The following FRMPD3 variants were observed in gnomAD, a reference collection of about 807,000 sequenced individuals.
FRMPD3 encodes the protein FERM and PDZ domain-containing protein 3.
FRMPD3 carries 42 observed loss-of-function variants against 97.9 expected under a neutral mutation model. The ratio of observed to expected loss-of-function variants is 0.43; its 90% CI spans 0.34 to 0.55. The LOEUF (loss-of-function observed/expected upper bound fraction) is 0.55. Among genes scored for constraint, FRMPD3 ranks in the 20% least tolerant of loss-of-function variants. The pLI is 0.03. For synonymous variants in FRMPD3, 577 were observed against 581.1 expected, an observed-to-expected ratio of 0.99 and a Z score of 0.10; for missense variants, 1,303 against 1,457.7, an observed-to-expected ratio of 0.89 and a Z score of 1.73.
chrX:107,510,928 A>G (rs1922148461), intron 1 of FRMPD3, among the ~76,000 whole-genome samples: 1 of 112,564 alleles, frequency 8.9e-6, no homozygotes, highest in African/African-American at 3.2e-5. Context: ...CCTCACAGGA[A>G]GTCAGCTTGG....
At chrX:107,462,011 C>T (rs769533093) in intron 1 of FRMPD3, among the ~76,000 whole-genome samples, 2 of 109,488 alleles carry the variant, frequency 1.8e-5, no homozygotes, top group Non-Finnish European at 3.8e-5. Context: ...ATCCTTCCAT[C>T]GTATCCTCTA....
rs183882811 is a variant in FRMPD3, at chrX:107,545,719, T to C, written c.298-18T>C. The C allele has an allele frequency of 1.6e-5, 19 of 1,177,242 alleles. 1 individual carries two copies. In the East Asian group the frequency reaches 5.7e-4, roughly 35 times the overall value. The stretch of plus-strand genomic sequence containing the variant: ...CCCTAGATATGGAGAACTCACCATC[T>C]CTCTGTTCTTTTTCCAGTCCCCCAA... On this transcript the variant is annotated intron_variant, in intron 4 of 14. Coordinates refer to ENST00000683843, the MANE Select transcript of FRMPD3 (RefSeq NM_001388459.1).
Position 107,576,535 on chromosome X carries a change from T to G in FRMPD3, c.1441+76T>G, listed in dbSNP as rs918584534. 1.2e-5 allele frequency: 13 copies of G among 1,072,598 alleles called. No homozygotes were observed. In the Middle Eastern group the frequency reaches 1.4e-3, roughly 116 times the overall value. The allele number at this position is 1,072,598 out of a possible 1,213,427, so 88.4% of individuals were successfully genotyped here. On this transcript the variant is annotated intron_variant, in intron 13 of 14. Transcript: ENST00000683843. ...CTGAAGACATGGAGGGAAGAGCTTC[T>G]CTGCCTTAGTGCTCACCCCGTGCCA...
intron 12 of FRMPD3, among the ~76,000 whole-genome samples, chrX:107,572,908 C>CTAA (rs374047113): frequency 0.019 from 1,901 of 100,968 alleles, 14 homozygotes; most frequent in Non-Finnish European, 0.027. Flanking sequence ...ACTACTACTA[C>CTAA]TAATAATAAT....
intron 1 of FRMPD3, among the ~76,000 whole-genome samples, chrX:107,491,086 C>T (rs955453386): frequency 9.0e-6 from 1 of 111,498 alleles, no homozygotes; most frequent in African/African-American, 3.3e-5. Context: ...GATTGAAACC[C>T]ACGACTATCT....
At chrX:107,489,283 C>A (rs1394193055) in intron 1 of FRMPD3, among the ~76,000 whole-genome samples, 4 of 109,996 alleles carry the variant, frequency 3.6e-5, no homozygotes, top group Non-Finnish European at 7.6e-5. Context: ...GTGAATAGTG[C>A]CGCAATAAAC....
rs930156518 is a variant in FRMPD3, at chrX:107,474,118, G to A, written c.-8+24113G>A. ...ACAAAACCAAAATGCTAAGCTCCAA[G>A]TACACAGTCTTCCTCCCAGAGATGC... is the stretch of plus-strand genomic sequence containing the variant. On this transcript the variant is annotated intron_variant, in intron 1 of 14. Coordinates refer to ENST00000683843, the MANE Select transcript of FRMPD3 (RefSeq NM_001388459.1). Among the ~76,000 whole-genome samples, 23 of 112,118 alleles carry A rather than the reference G, an allele frequency of 2.1e-4. 1 individual carries two copies. The highest frequency in any genetic ancestry group is 7.1e-4 in the African/African-American group (22 of 30,859).
intron 8 of FRMPD3, among the ~76,000 whole-genome samples, chrX:107,559,392 C>T (rs1207732310): frequency 1.8e-5 from 2 of 112,116 alleles, no homozygotes; most frequent in African/African-American, 6.5e-5. Context: ...TAAGCATCCA[C>T]AAATTTCAGT....
intron 4 of FRMPD3, among the ~76,000 whole-genome samples, chrX:107,543,226 T>C (rs370804769): frequency 3.6e-5 from 4 of 110,835 alleles, no homozygotes; most frequent in South Asian, 3.9e-4. Context: ...ATCAAATCCC[T>C]CTAGTGGAGT....
intron 1 of FRMPD3, among the ~76,000 whole-genome samples, chrX:107,460,039 T>G (rs1931443692): frequency 8.9e-6 from 1 of 111,755 alleles, no homozygotes; most frequent in South Asian, 3.8e-4. Flanking sequence ...GGGTGGTGGT[T>G]GGTGGCTAAG....
intron 1 of FRMPD3, among the ~76,000 whole-genome samples, chrX:107,515,201 A>G (rs1178730353): frequency 9.0e-6 from 1 of 111,426 alleles, no homozygotes; most frequent in Admixed American, 9.5e-5. Flanking sequence ...CTTAGGAAAA[A>G]GAATAGAGAG....
intron 5 of FRMPD3, among the ~76,000 whole-genome samples, chrX:107,549,300 G>C (rs959232982): frequency 9.1e-6 from 1 of 109,291 alleles, no homozygotes; most frequent in Non-Finnish European, 1.9e-5. Flanking sequence ...TCCCACCTGG[G>C]CGACAGAGCG....
chrX:107,486,839 G>A (rs1208394186), intron 1 of FRMPD3, among the ~76,000 whole-genome samples: 5 of 111,093 alleles, frequency 4.5e-5, no homozygotes, highest in African/African-American at 1.6e-4. Flanking sequence ...AAAGAAATAA[G>A]TAAAAACTCT....
chrX:107,588,062 G>A (rs754829404), intron 13 of FRMPD3, among the ~76,000 whole-genome samples: 11 of 111,023 alleles, frequency 9.9e-5, no homozygotes, highest in Admixed American at 1.9e-4. Flanking sequence ...GGTGTGAGCC[G>A]CAACGCCCAG....
chrX:107,548,831 G>A (rs991297205), intron 5 of FRMPD3, among the ~76,000 whole-genome samples: 1 of 111,792 alleles, frequency 8.9e-6, no homozygotes, highest in African/African-American at 3.2e-5. Context: ...GCAATAGAGC[G>A]AGACCCTGTC....
chrX:107,463,044 C>G (rs1437313098), intron 1 of FRMPD3, among the ~76,000 whole-genome samples: 1 of 112,079 alleles, frequency 8.9e-6, no homozygotes, highest in Non-Finnish European at 1.9e-5. Context: ...TTTGTGACCC[C>G]CAGCAACATG....
Position 107,602,005 on chromosome X carries a change from G to C in FRMPD3, c.3966G>C (p.Gly1322=). The C allele has an allele frequency of 8.6e-7, 1 of 1,168,606 alleles. No homozygotes were observed. Reference sequence around the variant, plus strand: ...AGACACCAGTGCCCAGCCTCCGGGGGAGGGAAAGGGACAGAGTCCTCCCTA... The same window carrying C: ...AGACACCAGTGCCCAGCCTCCGGGGCAGGGAAAGGGACAGAGTCCTCCCTA... The part of the protein sequence containing the change: ...ATQTPVPSLR[G]RERDRVLPSQ... The change falls in exon 15 of 15, where the codon GGG becomes GGC. Residue 1322 remains glycine, a synonymous_variant. Transcript: ENST00000683843.
chrX:107,452,713 A>G (rs888722077), intron 1 of FRMPD3, among the ~76,000 whole-genome samples: 16 of 111,907 alleles, frequency 1.4e-4, no homozygotes, highest in African/African-American at 4.9e-4. Flanking sequence ...TGCGAGCTGC[A>G]TTTGGAATGA....
At chrX:107,568,531 GA>G (rs1449804122) in intron 12 of FRMPD3, among the ~76,000 whole-genome samples, 14 of 93,739 alleles carry the variant, frequency 1.5e-4, no homozygotes, top group African/African-American at 5.6e-4. Flanking sequence ...CCAACATGGT[GA>G]AATCCTGTCT....
Sources: gnomAD v4.1 joint callset for allele counts (sites outside exome capture counted in the v4.1 genomes callset) on GRCh38, gnomAD v4.1.1 for gene constraint, MANE v1.5 for transcripts, NCBI Gene and HGNC (gene_info 2026-07-23, HGNC 2026-07-21) for gene names.